RAB38: variants seen among roughly 807,000 people sequenced by gnomAD.
The protein encoded by RAB38 is RAB38, member RAS oncogene family.
A neutral mutation model predicts 18.4 loss-of-function variants in RAB38; 15 were observed. The observed-to-expected ratio is 0.82, with a 90% CI of 0.55 to 1.26. The LOEUF is 1.26. Among genes scored for constraint, RAB38 ranks in the 50% most tolerant of loss-of-function variants. The pLI is 0.00. For synonymous variants in RAB38, 101 were observed against 104.4 expected (o/e 0.97, Z 0.20); for missense variants, 294 against 267.4 (o/e 1.10, Z -0.69).
chr11:88,130,853 A>G (rs1055519121), intron 2 of RAB38, among the ~76,000 whole-genome samples: 4 of 152,228 alleles, frequency 2.6e-5, no homozygotes, highest in Admixed American at 6.5e-5. Flanking sequence ...TTAGACCCAA[A>G]GGCAGAAGCG....
chr11:87,953,585 T>A, the RAB38 span, among the ~76,000 whole-genome samples: 3 of 152,138 alleles, frequency 2.0e-5, no homozygotes, highest in Non-Finnish European at 4.4e-5. Flanking sequence ...TATTATTATT[T>A]ATTGTTAATC....
chr11:88,148,520 T>C (rs183368949), intron 2 of RAB38, among the ~76,000 whole-genome samples: 32 of 152,334 alleles, frequency 2.1e-4, no homozygotes, highest in African/African-American at 7.5e-4. Flanking sequence ...CCGTCTTCTA[T>C]AGTTTCTCCA....
chr11:87,918,629 A>G, the RAB38 span, among the ~76,000 whole-genome samples: 1 of 152,054 alleles, frequency 6.6e-6, no homozygotes, highest in East Asian at 1.9e-4. Flanking sequence ...CCTGATGACT[A>G]CTGGTGATCA....
chr11:87,856,315 C>T, the RAB38 span, among the ~76,000 whole-genome samples: 6 of 152,130 alleles, frequency 3.9e-5, no homozygotes, highest in African/African-American at 1.4e-4. Flanking sequence ...CTTACAAACT[C>T]TCTGTCCTAT....
At chr11:87,853,626 CTGGAGCAGATGTTTGTGATA>C in the RAB38 span, among the ~76,000 whole-genome samples, 7,853 of 152,228 alleles carry the variant, frequency 0.052, 276 homozygotes, top group African/African-American at 0.1. Context: ...GAAAGCTTAA[CTGGAGCAGATGTTTGTGATA>C]TGGCAGTAGT....
chr11:87,949,533 A>T, the RAB38 span, among the ~76,000 whole-genome samples: 2 of 152,226 alleles, frequency 1.3e-5, no homozygotes, highest in Non-Finnish European at 2.9e-5. Flanking sequence ...ATTTAGTGCT[A>T]TAAATATCCC....
At chr11:88,054,072 T>G in the RAB38 span, among the ~76,000 whole-genome samples, 4 of 152,204 alleles carry the variant, frequency 2.6e-5, no homozygotes, top group African/African-American at 7.2e-5. Context: ...GAAGATGTTA[T>G]GCCCGCATCA....
At chr11:88,165,001 T>C (rs1189024235) in intron 1 of RAB38, among the ~76,000 whole-genome samples, 1 of 152,130 alleles carries the variant, frequency 6.6e-6, no homozygotes, top group Non-Finnish European at 1.5e-5. Context: ...TATATGAAGA[T>C]GACTGTTAAT....
At chr11:87,893,356 TAC>T in the RAB38 span, among the ~76,000 whole-genome samples, 1 of 56,504 alleles carries the variant, frequency 1.8e-5, no homozygotes, top group Non-Finnish European at 3.3e-5. Flanking sequence ...CACATATATA[TAC>T]CTATATATTT....
At chr11:88,087,506 T>C in the RAB38 span, among the ~76,000 whole-genome samples, 48 of 151,910 alleles carry the variant, frequency 3.2e-4, no homozygotes, top group Non-Finnish European at 5.6e-4. Flanking sequence ...AAGCCAATAG[T>C]GTCAGACAAC....
intron 2 of RAB38, among the ~76,000 whole-genome samples, chr11:88,118,325 G>A (rs955686381): frequency 6.6e-6 from 1 of 152,212 alleles, no homozygotes; most frequent in Non-Finnish European, 1.5e-5. Flanking sequence ...AAGGGCCTAG[G>A]CTAGGAGAAG....
the RAB38 span, among the ~76,000 whole-genome samples, chr11:87,825,817 T>G: frequency 6.6e-6 from 1 of 152,048 alleles, no homozygotes; most frequent in Non-Finnish European, 1.5e-5. Flanking sequence ...ATGGGAGATT[T>G]TGAGAAAAAG....
chr11:88,032,488 A>G, the RAB38 span, among the ~76,000 whole-genome samples: 6 of 152,234 alleles, frequency 3.9e-5, no homozygotes, highest in African/African-American at 1.4e-4. Context: ...TCATCTGACA[A>G]AGGGCTACTA....
the RAB38 span, among the ~76,000 whole-genome samples, chr11:87,902,731 G>A: frequency 6.6e-6 from 1 of 151,212 alleles, no homozygotes; most frequent in Non-Finnish European, 1.5e-5. Flanking sequence ...TTGTATCTAT[G>A]CGTTTTGCTA....
At chr11:87,852,394 G>T in the RAB38 span, among the ~76,000 whole-genome samples, 1 of 152,062 alleles carries the variant, frequency 6.6e-6, no homozygotes, top group Non-Finnish European at 1.5e-5. Flanking sequence ...TGTTCTTCCC[G>T]CTTCACAACT....
At chr11:88,039,399 A>T in the RAB38 span, among the ~76,000 whole-genome samples, 8 of 152,190 alleles carry the variant, frequency 5.3e-5, no homozygotes, top group South Asian at 1.7e-3. Context: ...AACCAGACCT[A>T]TTTATGAGGC....
At chr11:87,964,323 G>T in the RAB38 span, among the ~76,000 whole-genome samples, 2 of 151,978 alleles carry the variant, frequency 1.3e-5, no homozygotes. Flanking sequence ...TCTGCTTGAA[G>T]GAATTTTTAA....
the RAB38 span, among the ~76,000 whole-genome samples, chr11:87,839,076 G>C: frequency 6.6e-6 from 1 of 152,172 alleles, no homozygotes; most frequent in Non-Finnish European, 1.5e-5. Flanking sequence ...AGAAATGTTA[G>C]ACTGGAGTAA....
the RAB38 span, among the ~76,000 whole-genome samples, chr11:87,958,875 T>A: frequency 6.6e-6 from 1 of 152,170 alleles, no homozygotes; most frequent in Non-Finnish European, 1.5e-5. Context: ...TATTTGCTTT[T>A]TATGTTTGTT....
Sources: gnomAD v4.1 joint callset for allele counts (sites outside exome capture counted in the v4.1 genomes callset) on GRCh38, gnomAD v4.1.1 for gene constraint, MANE v1.5 for transcripts, NCBI Gene and HGNC (gene_info 2026-07-23, HGNC 2026-07-21) for gene names.